The following DOCK3 variants were observed in gnomAD, a reference collection of about 807,000 sequenced individuals.
DOCK3 encodes dedicator of cytokinesis protein 3.
Under a neutral mutation model 265.6 loss-of-function variants are expected in DOCK3, and 60 were observed. That is an observed-to-expected ratio of 0.23 (90% confidence interval 0.18 to 0.28). The LOEUF is 0.28. Among genes scored for constraint, DOCK3 ranks in the 10% least tolerant of loss-of-function variants. DOCK3 has a pLI of 1.00. For missense variants in DOCK3, 1,981 were observed against 2,594.3 expected, an observed-to-expected ratio of 0.76 and a Z score of 5.14; for synonymous variants, 881 against 938.0, an observed-to-expected ratio of 0.94 and a Z score of 1.11.
At chr3:50,867,251 C>G (rs561930113) in intron 3 of DOCK3, among the ~76,000 whole-genome samples, 1 of 152,232 alleles carries the variant, frequency 6.6e-6, no homozygotes, top group African/African-American at 2.4e-5. Flanking sequence ...TATAGAAATG[C>G]TACTGATTTT....
chr3:51,075,396 G>A lies in DOCK3; in HGVS notation c.505G>A (p.Val169Ile), dbSNP rs372196048. Residue 169 changes from valine (V) to isoleucine (I), a missense_variant, in exon 7 of 53, where the codon GTA (valine) becomes ATA (isoleucine). By Grantham distance (29) the Val-to-Ile change is conservative (BLOSUM62 3). Around this residue, in one of 4 missense-constraint regions of DOCK3, gnomAD observed 456 missense variants for 539.0 expected, o/e 0.85. Coordinates refer to ENST00000266037, the MANE Select transcript of DOCK3 (RefSeq NM_004947.5). ...LDLVPRKDFEVVDSDQISVSD... is the reference protein window; with the variant it reads ...LDLVPRKDFEIVDSDQISVSD... ...CCTGGTGCCTCGGAAGGACTTTGAA[G>A]TAGTGGACTCGGACCAGATTAGTGT... The A allele has an allele frequency of 1.1e-4, 181 of 1,611,278 alleles. No individual in the cohort carries two copies. Among genetic ancestry groups the A allele is most frequent in the Non-Finnish European group, 1.5e-4 (177 of 1,178,902 alleles).
rs9861830 is a variant in DOCK3 at position 51,211,535 on chromosome 3, G to A, written c.1127-2587G>A. ...CTCCCCCAACCCCACAGCAGGCCCCGGTGTGTGATGTTCCCCTTCCTGTGT... is the reference window on the plus strand; with the variant it reads ...CTCCCCCAACCCCACAGCAGGCCCCAGTGTGTGATGTTCCCCTTCCTGTGT... On this transcript the variant is annotated intron_variant, in intron 13 of 52. Coordinates refer to ENST00000266037, the MANE Select transcript of DOCK3 (RefSeq NM_004947.5). Among the ~76,000 whole-genome samples, 449 of 151,816 alleles carry A rather than the reference G, an allele frequency of 3.0e-3. 2 individuals carry two copies. The highest frequency in any genetic ancestry group is 0.01 in the African/African-American group (429 of 41,374).
At chr3:51,198,412 C>T (rs937612278) in intron 12 of DOCK3, among the ~76,000 whole-genome samples, 14 of 152,206 alleles carry the variant, frequency 9.2e-5, no homozygotes, top group African/African-American at 2.4e-4. Flanking sequence ...CTCATTTTCC[C>T]GCTTCCAGGA....
At chr3:51,078,926 C>G (rs2082137920) in intron 7 of DOCK3, among the ~76,000 whole-genome samples, 2 of 152,052 alleles carry the variant, frequency 1.3e-5, no homozygotes, top group Non-Finnish European at 2.9e-5. Context: ...CTTTTTATCT[C>G]ATGTATTTGC....
intron 9 of DOCK3, among the ~76,000 whole-genome samples, chr3:51,116,450 CAAAAAAAAAAA>C (rs55898136): frequency 1.8e-5 from 1 of 54,972 alleles, no homozygotes; most frequent in Non-Finnish European, 3.1e-5. Flanking sequence ...GACTCCATCT[CAAAAAAAAAAA>C]AAAAAAAAAA....
At chr3:50,777,078 TG>T (rs1207468823) in intron 1 of DOCK3, among the ~76,000 whole-genome samples, 2 of 152,100 alleles carry the variant, frequency 1.3e-5, no homozygotes, top group Admixed American at 1.3e-4. Context: ...GAGAGCAGTG[TG>T]GGGAACACTG....
At chr3:51,300,456 A>G (rs1318428696) in intron 27 of DOCK3, among the ~76,000 whole-genome samples, 1 of 152,212 alleles carries the variant, frequency 6.6e-6, no homozygotes, top group African/African-American at 2.4e-5. Flanking sequence ...GAGTGGTGAG[A>G]GAAGGCATCC....
At chr3:50,845,115 C>T (rs935310431) in intron 3 of DOCK3, among the ~76,000 whole-genome samples, 4 of 151,896 alleles carry the variant, frequency 2.6e-5, no homozygotes, top group African/African-American at 7.3e-5. Context: ...CCTGGCTACT[C>T]GGGAGGCTGA....
intron 9 of DOCK3, among the ~76,000 whole-genome samples, chr3:51,115,176 G>C (rs546637442): frequency 9.9e-5 from 15 of 152,050 alleles, no homozygotes; most frequent in Non-Finnish European, 1.8e-4. Context: ...GGGATTGCTG[G>C]GTCAAATGGT....
intron 4 of DOCK3, among the ~76,000 whole-genome samples, chr3:50,894,490 A>G (rs2048799184): frequency 6.6e-6 from 1 of 152,104 alleles, no homozygotes; most frequent in Non-Finnish European, 1.5e-5. Context: ...AGTTGAAACA[A>G]AATGATGCTA....
chr3:51,300,243 G>T (rs561052299), intron 27 of DOCK3, among the ~76,000 whole-genome samples: 2 of 152,018 alleles, frequency 1.3e-5, no homozygotes, highest in Non-Finnish European at 2.9e-5. Context: ...TGATTTTTGC[G>T]CATTGATTTT....
intron 5 of DOCK3, 117 bp downstream of exon 5, chr3:50,934,194 A>G (rs2051230258): frequency 1.4e-6 from 1 of 726,054 alleles, no homozygotes; most frequent in Non-Finnish European, 2.2e-6. Context: ...TATCAAACAT[A>G]TGTTCTTAAT....
intron 50 of DOCK3, 79 bp from the exon 51 acceptor site, chr3:51,375,669 C>T: frequency 6.7e-7 from 1 of 1,501,124 alleles, no homozygotes; most frequent in South Asian, 1.1e-5. Context: ...AGTGTCCTGT[C>T]TCTCGTCGCC....
chr3:51,209,176 A>G (rs2089378477), intron 13 of DOCK3, among the ~76,000 whole-genome samples: 1 of 152,232 alleles, frequency 6.6e-6, no homozygotes, highest in Admixed American at 6.5e-5. Context: ...TTGCCTAAAC[A>G]AAGATTATAC....
At chr3:50,930,180 ATAGAT>A (rs1260410965) in intron 4 of DOCK3, among the ~76,000 whole-genome samples, 3 of 152,262 alleles carry the variant, frequency 2.0e-5, no homozygotes, top group African/African-American at 7.2e-5. Context: ...TAAAGACCTA[ATAGAT>A]TAAACTCCAA....
chr3:50,731,900 A>T (rs1215439011), intron 1 of DOCK3, among the ~76,000 whole-genome samples: 1 of 152,218 alleles, frequency 6.6e-6, no homozygotes, highest in Admixed American at 6.5e-5. Flanking sequence ...GCAAACATAA[A>T]TATTGGAATT....
intron 5 of DOCK3, among the ~76,000 whole-genome samples, chr3:51,055,321 T>C (rs7653539): frequency 0.9 from 137,212 of 152,198 alleles, 62,047 homozygotes; most frequent in African/African-American, 0.95. Context: ...ACCTCCAGTC[T>C]CAGAGCCTTT....
intron 4 of DOCK3, among the ~76,000 whole-genome samples, chr3:50,933,032 G>A (rs773582824): frequency 2.0e-5 from 3 of 152,178 alleles, no homozygotes; most frequent in Non-Finnish European, 4.4e-5. Context: ...AGACAAGAGA[G>A]CATGTGCTGG....
At chr3:50,954,035 C>T (rs2076665561) in intron 5 of DOCK3, among the ~76,000 whole-genome samples, 1 of 152,056 alleles carries the variant, frequency 6.6e-6, no homozygotes, top group Non-Finnish European at 1.5e-5. Context: ...TATGCAACCC[C>T]CACCACCATC....
Sources: allele counts gnomAD v4.1 joint callset (sites outside exome capture counted in the v4.1 genomes callset), GRCh38; gene constraint gnomAD v4.1.1; regional missense constraint gnomAD v4.1.1; transcripts MANE v1.5; gene names NCBI Gene and HGNC (gene_info 2026-07-23, HGNC 2026-07-21).